LAMA4: variants seen among roughly 807,000 people sequenced by gnomAD.
The protein encoded by LAMA4 is laminin subunit alpha-4.
In LAMA4, 127 loss-of-function variants were observed where a neutral mutation model predicts 207.1. The ratio of observed to expected loss-of-function variants is 0.61; its 90% CI spans 0.53 to 0.71. LAMA4 has a LOEUF of 0.71. Among genes scored for constraint, LAMA4 ranks in the 30% least tolerant of loss-of-function variants. The pLI, the probability that LAMA4 is intolerant of heterozygous loss-of-function variation, is 0.00. For synonymous variants in LAMA4, 761 were observed against 816.0 expected, an observed-to-expected ratio of 0.93 and a Z score of 1.15; for missense variants, 2,093 against 2,246.5, an observed-to-expected ratio of 0.93 and a Z score of 1.38.
chr6:112,215,864 A>G (rs1318050726), intron 3 of LAMA4, among the ~76,000 whole-genome samples: 2 of 152,238 alleles, frequency 1.3e-5, no homozygotes, highest in African/African-American at 2.4e-5. Context: ...TGCAAAGACC[A>G]CAAGGGCAAA....
At chr6:112,115,397 A>G (rs1777955676) in intron 36 of LAMA4, among the ~76,000 whole-genome samples, 1 of 152,174 alleles carries the variant, frequency 6.6e-6, no homozygotes, top group Non-Finnish European at 1.5e-5. Context: ...CTTTAGTAGT[A>G]TCTTAGGATG....
chr6:112,218,211 T>C (rs1554359323), intron 2 of LAMA4: 1 of 152,210 alleles, frequency 6.6e-6, no homozygotes, highest in Non-Finnish European at 1.5e-5. Context: ...GTTATCTTAG[T>C]AGCCTCTTAA....
Position 112,154,061 on chromosome 6 carries a change from C to T in LAMA4, c.2056+790G>A, listed in dbSNP as rs1273460616. Among the ~76,000 whole-genome samples, 7 of 151,904 alleles carry T rather than the reference C, an allele frequency of 4.6e-5. 1 individual carries two copies. The South Asian group carries it at 6.2e-4, about 14-fold the overall frequency. ...TGTTTTTAGGTGGCAGTTAGAAGTT[C>T]GCTAGATGATGAATTTCCAACCTCA... On this transcript the variant is annotated intron_variant, in intron 16 of 38. Transcript: ENST00000230538.
chr6:112,136,299 A>C, intron 24 of LAMA4, 45 bp from the exon 25 acceptor site: 1 of 1,495,368 alleles, frequency 6.7e-7, no homozygotes, highest in African/African-American at 1.4e-5. Context: ...CTGTTATGCG[A>C]GTAGAGTCAG....
In LAMA4 at chr6:112,172,597, A is replaced by G; in HGVS notation, c.1551+14T>C. 6.2e-7 allele frequency: 1 copy of G among 1,611,932 alleles called. No homozygotes were observed. The highest frequency in any genetic ancestry group is 8.5e-7 in the Non-Finnish European group (1 of 1,179,556). ...CTGATGCTGAAATGCATTGATGGTG[A>G]GTGTCCGCTGTACCTCATGGTCCCG... is the stretch of plus-strand genomic sequence containing the variant. On this transcript the variant is annotated intron_variant, in intron 12 of 38. Coordinates refer to ENST00000230538, the MANE Select transcript of LAMA4 (RefSeq NM_001105206.3).
chr6:112,149,620 C>G (rs1216317802), intron 17 of LAMA4, among the ~76,000 whole-genome samples: 3 of 152,170 alleles, frequency 2.0e-5, no homozygotes, highest in Non-Finnish European at 4.4e-5. Flanking sequence ...CCCAGCCATG[C>G]AGAACTGTTA....
At chr6:112,224,949 TTTAA>T (rs1209270369) in intron 2 of LAMA4, among the ~76,000 whole-genome samples, 3 of 151,578 alleles carry the variant, frequency 2.0e-5, no homozygotes, top group African/African-American at 4.8e-5. Flanking sequence ...TTTTTTTTTT[TTTAA>T]TTTAATTTTT....
chr6:112,187,630 C>G, intron 7 of LAMA4, 29 bp from the exon 8 acceptor site: 1 of 1,610,710 alleles, frequency 6.2e-7, no homozygotes, highest in South Asian at 1.1e-5. Context: ...TTCAGAATCA[C>G]AAGTCAAAAG....
At chr6:112,245,517 C>A (rs1786848587) in intron 2 of LAMA4, among the ~76,000 whole-genome samples, 1 of 152,112 alleles carries the variant, frequency 6.6e-6, no homozygotes, top group South Asian at 2.1e-4. Context: ...AGTGAAGGTA[C>A]TTTTGATTCC....
Position 112,254,286 on chromosome 6 carries a change from C to T in LAMA4, c.-136G>A, listed in dbSNP as rs797036697. The T allele has an allele frequency of 5.7e-6, 6 of 1,061,352 alleles. No individual in the cohort carries two copies. The African/African-American group carries it at 9.4e-5, about 17-fold the overall frequency. 65.7% of individuals were successfully genotyped at this position (1,061,352 alleles called of 1,614,324 possible). ...CAGTATCCCGAGGTGGCTGCGCAACCAGCAGCTTAGGAAATAAAGGGAAAG... is the reference window on the plus strand; with the variant it reads ...CAGTATCCCGAGGTGGCTGCGCAACTAGCAGCTTAGGAAATAAAGGGAAAG... On this transcript the variant is annotated 5_prime_UTR_variant, in exon 2 of 39. Transcript: ENST00000230538.
chr6:112,191,846 C>T lies in LAMA4; in HGVS notation c.508G>A (p.Ala170Thr). 2.5e-6 allele frequency: 4 copies of T among 1,610,572 alleles called. No homozygotes were observed. The highest frequency in any genetic ancestry group is 3.4e-6 in the Non-Finnish European group (4 of 1,176,968). Residue 170 changes from alanine (A) to threonine (T), a missense_variant, in exon 6 of 39, where the codon GCT (alanine) becomes ACT (threonine). This residue lies in a region of LAMA4 where 1,704 missense variants were observed against 1,788.4 expected (regional missense o/e 0.95). Transcript: ENST00000230538. ...NYAGPNCERC[A>T]PGYYGNPLLI... is the part of the protein sequence containing the mutation. ...AAGGGGTTTCCATAGTAACCGGGAG[C>T]ACATCTGAAGAGGAATATCACACAT...
intron 2 of LAMA4, among the ~76,000 whole-genome samples, chr6:112,224,544 G>A (rs958335919): frequency 6.6e-6 from 1 of 152,114 alleles, no homozygotes; most frequent in Non-Finnish European, 1.5e-5. Flanking sequence ...GGCTGGGTGC[G>A]GTGGCTCACG....
At chr6:112,120,194 A>G in intron 33 of LAMA4, 89 bp downstream of exon 33, 1 of 1,056,396 alleles carries the variant, frequency 9.5e-7, no homozygotes, top group South Asian at 1.4e-5. Context: ...TAAAATGGAT[A>G]TTTCTAGAGA....
chr6:112,184,842 T>C (rs1782591024), intron 9 of LAMA4, among the ~76,000 whole-genome samples: 1 of 152,146 alleles, frequency 6.6e-6, no homozygotes. Context: ...CCATTTATCA[T>C]TTAATGTATA....
chr6:112,186,458 T>C (rs1347644192), intron 8 of LAMA4, among the ~76,000 whole-genome samples: 1 of 152,230 alleles, frequency 6.6e-6, no homozygotes, highest in Admixed American at 6.5e-5. Context: ...AATATCCTTT[T>C]GTTGTGATAG....
At chr6:112,126,164 T>C (rs1299131679) in intron 31 of LAMA4, among the ~76,000 whole-genome samples, 2 of 152,234 alleles carry the variant, frequency 1.3e-5, no homozygotes. Flanking sequence ...ATTGAATGTT[T>C]GTTGGGAAAT....
intron 16 of LAMA4, among the ~76,000 whole-genome samples, chr6:112,154,473 C>T (rs891091966): frequency 6.6e-6 from 1 of 151,702 alleles, no homozygotes; most frequent in Non-Finnish European, 1.5e-5. Context: ...AAAAGGACTT[C>T]GAAATTGTTC....
Position 112,187,592 on chromosome 6 carries a change from T to G in LAMA4, c.824A>C (p.Lys275Thr). The G allele has an allele frequency of 6.2e-7, 1 of 1,613,934 alleles. No homozygotes were observed. Among genetic ancestry groups the G allele is most frequent in the Non-Finnish European group, 8.5e-7 (1 of 1,179,954 alleles). The change falls in exon 8 of 39, where the codon AAG (lysine) becomes ACG (threonine). Residue 275 changes from lysine to threonine, a missense_variant. Physicochemically the swap from Lys to Thr is moderately conservative, Grantham distance 78. Transcript: ENST00000230538. ...GMDCPTISCD[K>T]CVWDLTDDLR... Reference sequence around the variant, plus strand: ...GTCATCAGTCAGGTCCCAGACGCACTTATCACAGCCTGGAGGTGAAACATT... The same window carrying G: ...GTCATCAGTCAGGTCCCAGACGCACGTATCACAGCCTGGAGGTGAAACATT...
intron 3 of LAMA4, among the ~76,000 whole-genome samples, chr6:112,212,244 A>G (rs1415736888): frequency 7.3e-6 from 1 of 137,330 alleles, no homozygotes; most frequent in Non-Finnish European, 1.6e-5. Flanking sequence ...TTTTTTTTTT[A>G]ACAGAGTCTT....
Sources: allele counts gnomAD v4.1 joint callset (sites outside exome capture counted in the v4.1 genomes callset), GRCh38; gene constraint gnomAD v4.1.1; regional missense constraint gnomAD v4.1.1; transcripts MANE v1.5; gene names NCBI Gene and HGNC (gene_info 2026-07-23, HGNC 2026-07-21).